The following PTAR1 variants were observed in gnomAD, a reference collection of about 807,000 sequenced individuals.
The protein encoded by PTAR1 is protein prenyltransferase alpha subunit repeat-containing protein 1.
In PTAR1, 17 loss-of-function variants were observed where a neutral mutation model predicts 45.5. The observed-to-expected ratio is 0.37, with a 90% CI of 0.26 to 0.56. The LOEUF is 0.56. Among genes scored for constraint, PTAR1 ranks in the 20% least tolerant of loss-of-function variants. The pLI is 0.77. For synonymous variants in PTAR1, 169 were observed against 171.3 expected (o/e 0.99, Z 0.11); for missense variants, 391 against 476.3 (o/e 0.82, Z 1.67).
At chr9:69,749,019 G>A (rs554242463) in intron 2 of PTAR1, among the ~76,000 whole-genome samples, 43 of 152,250 alleles carry the variant, frequency 2.8e-4, no homozygotes, top group African/African-American at 8.4e-4. Flanking sequence ...GGTTGCAGCT[G>A]AATTCAAAGT....
Position 69,759,873 on chromosome 9 carries a change from G to A in PTAR1, c.66C>T (p.Ala22=). 1 of 1,530,844 alleles carries A rather than the reference G, an allele frequency of 6.5e-7. No homozygotes were observed. Among genetic ancestry groups the A allele is most frequent in the Non-Finnish European group, 8.8e-7 (1 of 1,138,740 alleles). 94.8% of individuals were successfully genotyped at this position (1,530,844 alleles called of 1,614,324 possible). A position where few individuals can be genotyped will look rare whatever the true frequency, so the allele number is the denominator to read the frequency against. Residue 22 remains alanine (A), a synonymous_variant, in exon 1 of 8, where the codon GCC becomes GCT. Transcript: ENST00000340434. ...VQRVVKDITN[A]FRRNPHIDEI... is the part of the protein sequence containing the mutation. ...CTCACATGTGTGGGTTCCTCCTGAA[G>A]GCGTTAGTGATGTCCTTCACAACCC...
intron 2 of PTAR1, among the ~76,000 whole-genome samples, chr9:69,750,346 T>C (rs1588483447): frequency 6.6e-6 from 1 of 152,060 alleles, no homozygotes; most frequent in African/African-American, 2.4e-5. Context: ...ACTACCACTA[T>C]CATGCCTACA....
chr9:69,724,629 G>A (rs1056430572), intron 5 of PTAR1, among the ~76,000 whole-genome samples: 2 of 151,352 alleles, frequency 1.3e-5, no homozygotes, highest in East Asian at 3.9e-4. Context: ...TTTCTTCCGC[G>A]GGAATCTTTC....
intron 3 of PTAR1, among the ~76,000 whole-genome samples, chr9:69,736,413 T>G (rs1854683): frequency 0.16 from 24,728 of 152,110 alleles, 2,524 homozygotes; most frequent in Middle Eastern, 0.25. Flanking sequence ...AAAAATTAGC[T>G]GGGCATGGTG....
intron 2 of PTAR1, among the ~76,000 whole-genome samples, chr9:69,749,534 T>C (rs112645968): frequency 6.6e-6 from 1 of 152,058 alleles, no homozygotes; most frequent in Non-Finnish European, 1.5e-5. Flanking sequence ...TGCCATAAAT[T>C]TGGGCTATGG....
rs201080739 is a variant in PTAR1, at chr9:69,723,536, G to C, written c.737C>G (p.Ser246Cys). The change falls in exon 6 of 8, where the codon TCT (serine) becomes TGT (cysteine). Residue 246 changes from serine (S) to cysteine (C), a missense_variant. Coordinates refer to ENST00000340434, the MANE Select transcript of PTAR1 (RefSeq NM_001099666.2). The stretch of plus-strand genomic sequence containing the variant: ...GTCTATCACAGTTTGGCTAATCAAA[G>C]ACTTAAGCAAAAACTGGCGGTAGTG... ...GFHYRQFLLK[S>C]LISQTVIDSS... 4 of 1,613,822 alleles carry C rather than the reference G, an allele frequency of 2.5e-6. No individual in the cohort carries two copies. Among genetic ancestry groups the C allele is most frequent in the Non-Finnish European group, 3.4e-6 (4 of 1,179,786 alleles).
At chr9:69,733,096 T>A (rs1467405901) in intron 4 of PTAR1, among the ~76,000 whole-genome samples, 1 of 152,212 alleles carries the variant, frequency 6.6e-6, no homozygotes, top group African/African-American at 2.4e-5. Context: ...AAACTCACTT[T>A]GTCATTTTAA....
intron 3 of PTAR1, among the ~76,000 whole-genome samples, chr9:69,734,742 T>C (rs1316440732): frequency 6.6e-6 from 1 of 152,178 alleles, no homozygotes; most frequent in Non-Finnish European, 1.5e-5. Flanking sequence ...AAAAAATCAT[T>C]CATGGAATCA....
chr9:69,753,578 G>A (rs1826630888), intron 1 of PTAR1, among the ~76,000 whole-genome samples: 1 of 152,108 alleles, frequency 6.6e-6, no homozygotes, highest in Non-Finnish European at 1.5e-5. Context: ...TTCCTCATTT[G>A]TAAAATGGTA....
chr9:69,723,742 T>A (rs1459966417), intron 5 of PTAR1, 112 bp from the exon 6 acceptor site: 4 of 826,814 alleles, frequency 4.8e-6, no homozygotes, highest in African/African-American at 3.4e-5. Flanking sequence ...AGACCATTCT[T>A]ACCAATATTT....
chr9:69,758,641 T>C, intron 1 of PTAR1: 1 of 383,726 alleles, frequency 2.6e-6, no homozygotes, highest in Non-Finnish European at 5.5e-6. Context: ...GTTGCACGTC[T>C]CCAATTGTGT....
chr9:69,718,724 C>A, intron 6 of PTAR1, 40 bp from the exon 7 acceptor site: 1 of 1,446,920 alleles, frequency 6.9e-7, no homozygotes, highest in African/African-American at 1.4e-5. Context: ...AAGAAAATCA[C>A]ATTACAAAGT....
chr9:69,757,117 T>G (rs1190323058), intron 1 of PTAR1: 4 of 152,114 alleles, frequency 2.6e-5, no homozygotes, highest in Non-Finnish European at 5.9e-5. Flanking sequence ...CCCACAACAC[T>G]TCATAAACAG....
chr9:69,754,588 T>C (rs1321885168), intron 1 of PTAR1, among the ~76,000 whole-genome samples: 2 of 141,842 alleles, frequency 1.4e-5, no homozygotes, highest in Non-Finnish European at 3.0e-5. Context: ...TCGTCCAGGC[T>C]GGAGTGAAGT....
At chr9:69,726,923 C>CT (rs376872614) in intron 5 of PTAR1, among the ~76,000 whole-genome samples, 280 of 127,430 alleles carry the variant, frequency 2.2e-3, no homozygotes, top group African/African-American at 5.5e-3. Flanking sequence ...TTTTTAAATT[C>CT]TTTTTTTTTT....
At chr9:69,745,401 T>C (rs1826232464) in intron 2 of PTAR1, among the ~76,000 whole-genome samples, 1 of 152,206 alleles carries the variant, frequency 6.6e-6, no homozygotes, top group Non-Finnish European at 1.5e-5. Context: ...TCTCCCTTTC[T>C]ACATTAAAGA....
intron 5 of PTAR1, 65 bp from the exon 6 acceptor site, chr9:69,723,695 G>T: frequency 2.5e-6 from 3 of 1,177,122 alleles, no homozygotes; most frequent in African/African-American, 1.5e-5. Flanking sequence ...CTCCATTATT[G>T]CCTCTGATTT....
At position 69,751,335 on chromosome 9, in the gene PTAR1, AG is replaced by A. The variant is rs1305183200; in HGVS notation, c.87-386del. ...AACAATCTAAATGTTTATCAATATA[AG>A]ACTAGTAAAAAAAAAAGGCCCATCC... On this transcript the variant is annotated intron_variant, in intron 1 of 7. Coordinates refer to ENST00000340434, the MANE Select transcript of PTAR1 (RefSeq NM_001099666.2). Among the ~76,000 whole-genome samples, 15 of 151,934 alleles carry A rather than the reference AG, an allele frequency of 9.9e-5. 1 individual carries two copies. Among genetic ancestry groups the A allele is most frequent in the African/African-American group, 3.6e-4 (15 of 41,280 alleles).
chr9:69,710,719 T>C lies in PTAR1; in HGVS notation c.*7623A>G, dbSNP rs1042646784. 8 of 152,094 alleles carry C rather than the reference T, an allele frequency of 5.3e-5. No homozygotes were observed. Among genetic ancestry groups the C allele is most frequent in the African/African-American group, 1.9e-4 (8 of 41,432 alleles). The allele number at this position is 152,094 out of a possible 1,614,324, so 9.4% of individuals were successfully genotyped here. Reference sequence around the variant, plus strand: ...GACTGTTACATTGGGGAAAAACAGATCAAGAAACATAGCAGTACAACAGAG... The same window carrying C: ...GACTGTTACATTGGGGAAAAACAGACCAAGAAACATAGCAGTACAACAGAG... On this transcript the variant is annotated 3_prime_UTR_variant, in exon 8 of 8. Coordinates refer to ENST00000340434, the MANE Select transcript of PTAR1 (RefSeq NM_001099666.2).
Sources: allele counts gnomAD v4.1 joint callset (sites outside exome capture counted in the v4.1 genomes callset), GRCh38; gene constraint gnomAD v4.1.1; transcripts MANE v1.5; gene names NCBI Gene and HGNC (gene_info 2026-07-23, HGNC 2026-07-21).